Variants in PRKAR1B observed in about 807,000 individuals in gnomAD.
PRKAR1B encodes the protein protein kinase cAMP-dependent type I regulatory subunit beta, also known as cAMP-dependent protein kinase type I-beta regulatory subunit.
PRKAR1B carries 22 observed loss-of-function variants against 46.5 expected under a neutral mutation model. The observed-to-expected ratio is 0.47, with a 90% CI of 0.34 to 0.68. PRKAR1B has a LOEUF of 0.68. Ranked by LOEUF, PRKAR1B falls within the 30% of genes least tolerant of loss-of-function variation. The pLI is 0.01. For synonymous variants in PRKAR1B, 259 were observed against 217.7 expected (o/e 1.19, Z -1.67); for missense variants, 445 against 535.6 (o/e 0.83, Z 1.67).
At chr7:567,502 T>C (rs1361166884) in intron 9 of PRKAR1B, among the ~76,000 whole-genome samples, 2 of 144,892 alleles carry the variant, frequency 1.4e-5, no homozygotes, top group African/African-American at 5.2e-5. Flanking sequence ...ATCACCATCA[T>C]CACCATCACC....
intron 2 of PRKAR1B, among the ~76,000 whole-genome samples, chr7:695,573 G>C (rs970085534): frequency 6.6e-6 from 1 of 152,214 alleles, no homozygotes; most frequent in Non-Finnish European, 1.5e-5. Context: ...TCACAAGACA[G>C]AGCCCACTGG....
At chr7:728,242 G>GC (rs565477908), upstream of PRKAR1B, among the ~76,000 whole-genome samples, 81 of 152,258 alleles carry the variant, frequency 5.3e-4, no homozygotes, top group South Asian at 9.1e-3. Flanking sequence ...CTTCCTGCTG[G>GC]CGGGAAGGCT....
chr7:579,910 G>A (rs1198519246), intron 8 of PRKAR1B, among the ~76,000 whole-genome samples: 2 of 151,166 alleles, frequency 1.3e-5, no homozygotes, highest in African/African-American at 4.9e-5. Flanking sequence ...CAGCCAGGCC[G>A]ACATAATGAG....
intron 7 of PRKAR1B, 82 bp from the exon 8 acceptor site, chr7:584,650 T>A (rs960399441): frequency 8.1e-7 from 1 of 1,240,464 alleles, no homozygotes; most frequent in Non-Finnish European, 1.2e-6. Flanking sequence ...TTTCCCCAAA[T>A]GACTCTCAAC....
rs182938295 is a variant in PRKAR1B, at chr7:688,176, G to A, written c.178-7450C>T. The stretch of plus-strand genomic sequence containing the variant: ...AGCACTTTGGGAGGCCAAGGCGGGC[G>A]GATCACCTGAGGTCAGGAGTTCGAG... On this transcript the variant is annotated intron_variant, in intron 2 of 10. Transcript: ENST00000537384. Among the ~76,000 whole-genome samples the A allele has an allele frequency of 2.1e-3, 321 of 151,570 alleles. 1 individual carries two copies. Among genetic ancestry groups the A allele is most frequent in the African/African-American group, 7.1e-3 (294 of 41,282 alleles).
At chr7:606,150 GC>G in intron 6 of PRKAR1B, 42 bp downstream of exon 6, 1 of 1,605,550 alleles carries the variant, frequency 6.2e-7, no homozygotes, top group Non-Finnish European at 8.5e-7. Context: ...CACCGGACAT[GC>G]AAAGACGCGC....
chr7:636,047 ACCGGCCGCGC>A, intron 4 of PRKAR1B, among the ~76,000 whole-genome samples: 2 of 20,436 alleles, frequency 9.8e-5, no homozygotes, highest in African/African-American at 4.1e-4. Flanking sequence ...CACGTCCTCC[ACCGGCCGCGC>A]CCACACGTCC....
At chr7:614,456 G>C (rs1348754117) in intron 4 of PRKAR1B, among the ~76,000 whole-genome samples, 3 of 152,166 alleles carry the variant, frequency 2.0e-5, no homozygotes, top group African/African-American at 7.2e-5. Flanking sequence ...CTGAGGCTTA[G>C]GAAGCTGACA....
intron 2 of PRKAR1B, among the ~76,000 whole-genome samples, chr7:683,144 G>A (rs186636088): frequency 5.9e-5 from 9 of 152,274 alleles, no homozygotes; most frequent in Admixed American, 2.6e-4. Flanking sequence ...AGACCCAGAC[G>A]TGCCCACCTG....
At chr7:681,970 C>G (rs995410665) in intron 2 of PRKAR1B, among the ~76,000 whole-genome samples, 4 of 152,102 alleles carry the variant, frequency 2.6e-5, no homozygotes, top group African/African-American at 7.2e-5. Context: ...GAGGACACAC[C>G]GGGCCCTGAG....
intron 2 of PRKAR1B, among the ~76,000 whole-genome samples, chr7:709,415 G>A (rs1190741355): frequency 3.3e-5 from 5 of 149,272 alleles, no homozygotes; most frequent in Non-Finnish European, 7.4e-5. Flanking sequence ...CTGTCGCCCA[G>A]GCTAGAGTGC....
chr7:568,472 C>A (rs1779303671), intron 9 of PRKAR1B, among the ~76,000 whole-genome samples: 1 of 152,248 alleles, frequency 6.6e-6, no homozygotes, highest in Admixed American at 6.5e-5. Context: ...CCATTGTTCA[C>A]CACCTGGAGC....
At chr7:696,763 T>G (rs1779764022) in intron 2 of PRKAR1B, 1 of 152,294 alleles carries the variant, frequency 6.6e-6, no homozygotes, top group African/African-American at 2.4e-5. Context: ...CTGTCCAGGC[T>G]CGACGGGACT....
At chr7:621,552 C>T (rs1035461291) in intron 4 of PRKAR1B, among the ~76,000 whole-genome samples, 1 of 152,208 alleles carries the variant, frequency 6.6e-6, no homozygotes, top group Non-Finnish European at 1.5e-5. Context: ...CCAAGGACTC[C>T]ACGTTTTCCA....
intron 4 of PRKAR1B, among the ~76,000 whole-genome samples, chr7:660,555 A>C (rs1363314942): frequency 2.7e-5 from 3 of 109,862 alleles, no homozygotes; most frequent in African/African-American, 1.1e-4. Context: ...AACGGGTCCA[A>C]ATACCTACTC....
chr7:636,513 G>A (rs1784117843), intron 4 of PRKAR1B, among the ~76,000 whole-genome samples: 2 of 152,154 alleles, frequency 1.3e-5, no homozygotes, highest in Admixed American at 6.5e-5. Flanking sequence ...GGGGTGGGGG[G>A]TTTCCTGCCA....
chr7:641,679 TGGATGAACCTCAAAAAA>T (rs1784395897), intron 4 of PRKAR1B, among the ~76,000 whole-genome samples: 1 of 152,086 alleles, frequency 6.6e-6, no homozygotes, highest in Admixed American at 6.6e-5. Context: ...TGCTAAAATA[TGGATGAACCTCAAAAAA>T]CACCCTGAGT....
chr7:673,476 C>T (rs1324119148), intron 4 of PRKAR1B, among the ~76,000 whole-genome samples: 1 of 151,776 alleles, frequency 6.6e-6, no homozygotes, highest in Admixed American at 6.6e-5. Flanking sequence ...AGTGAAACCC[C>T]ATCTCTACTA....
At chr7:683,810 T>C (rs902060187) in intron 2 of PRKAR1B, among the ~76,000 whole-genome samples, 12 of 152,120 alleles carry the variant, frequency 7.9e-5, no homozygotes, top group Admixed American at 6.5e-5. Flanking sequence ...TGCTTGTTGC[T>C]CCCTCAGAAA....
Sources: gnomAD v4.1 joint callset for allele counts (sites outside exome capture counted in the v4.1 genomes callset) on GRCh38, gnomAD v4.1.1 for gene constraint, MANE v1.5 for transcripts, NCBI Gene and HGNC (gene_info 2026-07-23, HGNC 2026-07-21) for gene names.